Variants in CAMK4 observed in about 807,000 individuals in gnomAD.
The protein encoded by CAMK4 is calcium/calmodulin-dependent protein kinase type IV.
CAMK4 carries 22 observed loss-of-function variants against 44.9 expected under a neutral mutation model. That is an observed-to-expected ratio of 0.49 (90% confidence interval 0.35 to 0.70). The LOEUF (loss-of-function observed/expected upper bound fraction) is 0.70. Among genes scored for constraint, CAMK4 ranks in the 30% least tolerant of loss-of-function variants. The pLI is 0.01. For missense variants in CAMK4, 498 were observed against 586.8 expected (o/e 0.85, Z 1.56); for synonymous variants, 218 against 215.4 (o/e 1.01, Z -0.11).
rs1202104935 is a variant in CAMK4 at position 111,261,305 on chromosome 5, A to G, written c.161+36661A>G. ...CGTCTTCCATCTTTGTAGCTCTAAC[A>G]CTTAGCACAATGTCTGGTGCATAAT... On this transcript the variant is annotated intron_variant, in intron 1 of 10. Coordinates refer to ENST00000282356, the MANE Select transcript of CAMK4 (RefSeq NM_001744.6). Among the ~76,000 whole-genome samples the G allele has an allele frequency of 2.0e-5, 3 of 152,186 alleles. No individual in the cohort carries two copies. In the East Asian group the frequency reaches 5.8e-4, roughly 29 times the overall value.
intron 3 of CAMK4, among the ~76,000 whole-genome samples, 160 bp downstream of exon 3, chr5:111,375,072 T>C (rs1224226454): frequency 6.6e-6 from 1 of 152,164 alleles, no homozygotes; most frequent in Non-Finnish European, 1.5e-5. Flanking sequence ...TTCAATCCTT[T>C]GGCTGAATAA....
intron 5 of CAMK4, among the ~76,000 whole-genome samples, chr5:111,420,573 A>G (rs1193716156): frequency 6.6e-6 from 1 of 152,080 alleles, no homozygotes; most frequent in African/African-American, 2.4e-5. Context: ...CCTCTTCCTA[A>G]TAAGCCTGGG....
intron 1 of CAMK4, among the ~76,000 whole-genome samples, chr5:111,271,460 A>C (rs1750514943): frequency 6.6e-6 from 1 of 152,162 alleles, no homozygotes; most frequent in Non-Finnish European, 1.5e-5. Context: ...GCTGAAGCAA[A>C]ATTGAATGCA....
intron 1 of CAMK4, among the ~76,000 whole-genome samples, chr5:111,268,490 C>T (rs1750360239): frequency 6.6e-6 from 1 of 152,104 alleles, no homozygotes; most frequent in African/African-American, 2.4e-5. Context: ...AGGAATGATC[C>T]CCACTTAGTT....
At chr5:111,296,957 C>A (rs1010924382) in intron 1 of CAMK4, among the ~76,000 whole-genome samples, 1 of 152,162 alleles carries the variant, frequency 6.6e-6, no homozygotes, top group Non-Finnish European at 1.5e-5. Context: ...TTGATCAGAA[C>A]CTTTATGAGG....
chr5:111,230,984 G>C (rs754016290), intron 1 of CAMK4, among the ~76,000 whole-genome samples: 1 of 152,126 alleles, frequency 6.6e-6, no homozygotes, highest in Non-Finnish European at 1.5e-5. Flanking sequence ...TTTTCATGAA[G>C]TTGATAGCAG....
At chr5:111,275,089 C>T (rs1750697774) in intron 1 of CAMK4, among the ~76,000 whole-genome samples, 1 of 152,024 alleles carries the variant, frequency 6.6e-6, no homozygotes, top group African/African-American at 2.4e-5. Context: ...TTAAATCAGA[C>T]TAACATATCC....
chr5:111,303,604 C>A (rs1747826749), intron 1 of CAMK4, among the ~76,000 whole-genome samples: 1 of 124,158 alleles, frequency 8.1e-6, no homozygotes, highest in Non-Finnish European at 1.6e-5. Context: ...GTGAAAAGAC[C>A]AAATCTACGT....
intron 4 of CAMK4, among the ~76,000 whole-genome samples, chr5:111,387,104 G>T (rs1751631852): frequency 6.6e-6 from 1 of 152,156 alleles, no homozygotes; most frequent in Admixed American, 6.5e-5. Flanking sequence ...TCACGAAACA[G>T]AAATTAGTTT....
intron 7 of CAMK4, among the ~76,000 whole-genome samples, chr5:111,469,159 AAAAAAAAAAAAAAATATAT>A (rs1754958574): frequency 1.2e-5 from 1 of 85,862 alleles, no homozygotes; most frequent in African/African-American, 5.0e-5. Flanking sequence ...AAAAAAAAAA[AAAAAAAAAAAAAAATATAT>A]ATATATATAT....
At chr5:111,466,901 AAAAG>A (rs1312475724) in intron 7 of CAMK4, among the ~76,000 whole-genome samples, 1 of 152,234 alleles carries the variant, frequency 6.6e-6, no homozygotes, top group Non-Finnish European at 1.5e-5. Context: ...AGACTAAGCA[AAAAG>A]AACAAATCTG....
chr5:111,267,173 C>T (rs11748647), intron 1 of CAMK4, among the ~76,000 whole-genome samples: 45,768 of 151,886 alleles, frequency 0.3, 7,581 homozygotes, highest in Middle Eastern at 0.43. Context: ...GTTGTCTGTA[C>T]ATTTTCTGCC....
At position 111,280,426 on chromosome 5, in the gene CAMK4, C is replaced by A. The variant is rs909131045; in HGVS notation, c.161+55782C>A. The stretch of plus-strand genomic sequence containing the variant: ...CAAAGTAACTCTTCCAGTTACATAA[C>A]CTAGTGATTAATTAGGTTTTAAGTG... On this transcript the variant is annotated intron_variant, in intron 1 of 10. Coordinates refer to ENST00000282356, the MANE Select transcript of CAMK4 (RefSeq NM_001744.6). 2.0e-5 allele frequency among the ~76,000 whole-genome samples: 3 copies of A among 152,106 alleles called. No homozygotes were observed. The East Asian group carries it at 5.8e-4, about 29-fold the overall frequency.
chr5:111,475,263 A>G (rs62371307), intron 8 of CAMK4, among the ~76,000 whole-genome samples: 1 of 152,206 alleles, frequency 6.6e-6, no homozygotes, highest in Middle Eastern at 3.2e-3. Flanking sequence ...GTTTGCCCCT[A>G]AAGTATAAAT....
intron 5 of CAMK4, among the ~76,000 whole-genome samples, chr5:111,441,823 C>T (rs1013777785): frequency 3.9e-5 from 6 of 152,112 alleles, no homozygotes; most frequent in Admixed American, 1.3e-4. Context: ...TATGTTTCTC[C>T]ATGATTAGGT....
At chr5:111,338,124 A>G (rs545528736) in intron 1 of CAMK4, among the ~76,000 whole-genome samples, 4 of 151,138 alleles carry the variant, frequency 2.6e-5, no homozygotes, top group Non-Finnish European at 5.9e-5. Context: ...GGAAATAATT[A>G]TATATTTTTA....
intron 2 of CAMK4, among the ~76,000 whole-genome samples, chr5:111,362,375 G>A (rs949741036): frequency 5.3e-5 from 8 of 151,912 alleles, no homozygotes; most frequent in African/African-American, 1.9e-4. Context: ...TTGGGCCTTA[G>A]GAAGGTGTTT....
Position 111,488,783 on chromosome 5 carries a change from G to A in CAMK4, c.*4317G>A, listed in dbSNP as rs1292057908. ...AGTGAATCAGCACTAGCATTTTCTTGATGGTTGACTCAATGTATAATTAAC... is the reference window on the plus strand; with the variant it reads ...AGTGAATCAGCACTAGCATTTTCTTAATGGTTGACTCAATGTATAATTAAC... On this transcript the variant is annotated 3_prime_UTR_variant, in exon 11 of 11. Coordinates refer to ENST00000282356, the MANE Select transcript of CAMK4 (RefSeq NM_001744.6). The A allele has an allele frequency of 6.6e-6, 1 of 152,192 alleles. No homozygotes were observed. The highest frequency in any genetic ancestry group is 6.5e-5 in the Admixed American group (1 of 15,286). The allele number at this position is 152,192 out of a possible 1,614,324, so 9.4% of individuals were successfully genotyped here.
chr5:111,435,767 A>G (rs945483463), intron 5 of CAMK4, among the ~76,000 whole-genome samples: 2 of 152,210 alleles, frequency 1.3e-5, no homozygotes, highest in Non-Finnish European at 2.9e-5. Flanking sequence ...TTATTTCATT[A>G]GCCAAACCTT....
Sources: gnomAD v4.1 joint callset for allele counts (sites outside exome capture counted in the v4.1 genomes callset) on GRCh38, gnomAD v4.1.1 for gene constraint, MANE v1.5 for transcripts, NCBI Gene and HGNC (gene_info 2026-07-23, HGNC 2026-07-21) for gene names.